DIAPH3: variants seen among roughly 807,000 people sequenced by gnomAD.
DIAPH3 encodes diaphanous related formin 3.
A neutral mutation model predicts 144.3 loss-of-function variants in DIAPH3; 117 were observed. The ratio of observed to expected loss-of-function variants is 0.81; its 90% CI spans 0.70 to 0.95. The LOEUF is 0.95. DIAPH3 is among the 40% of genes least tolerant of loss of function. The pLI is 0.00. For missense variants in DIAPH3, 1,421 were observed against 1,412.7 expected, an observed-to-expected ratio of 1.01 and a Z score of -0.09; for synonymous variants, 519 against 488.9, an observed-to-expected ratio of 1.06 and a Z score of -0.81.
chr13:60,160,752 C>A (rs1009687762), intron 1 of DIAPH3, among the ~76,000 whole-genome samples: 1 of 152,166 alleles, frequency 6.6e-6, no homozygotes, highest in African/African-American at 2.4e-5. Context: ...TCAATGCTCA[C>A]GGCTTAAGAT....
rs1357677794 is a variant in DIAPH3, at chr13:60,132,939, A to G, written c.213+18T>C. ...TAGTTACAATTCATAACAAAGGAAA[A>G]GTTGAGGATAATCTTACCATATCAT... On this transcript the variant is annotated intron_variant, in intron 2 of 27. Transcript: ENST00000400324. The G allele has an allele frequency of 6.2e-7, 1 of 1,602,034 alleles. No homozygotes were observed. Among genetic ancestry groups the G allele is most frequent in the African/African-American group, 1.3e-5 (1 of 74,790 alleles).
intron 20 of DIAPH3, among the ~76,000 whole-genome samples, chr13:59,903,565 C>G (rs1285064262): frequency 6.6e-6 from 1 of 150,862 alleles, no homozygotes; most frequent in Non-Finnish European, 1.5e-5. Flanking sequence ...CTAGACAAAC[C>G]TAGAAGTTAA....
At chr13:60,005,934 C>T (rs376627730) in intron 9 of DIAPH3, among the ~76,000 whole-genome samples, 2 of 151,920 alleles carry the variant, frequency 1.3e-5, no homozygotes. Flanking sequence ...AGAATAGTAA[C>T]CTATAAAATC....
At chr13:59,811,554 T>C (rs1011919269) in intron 24 of DIAPH3, among the ~76,000 whole-genome samples, 1 of 151,792 alleles carries the variant, frequency 6.6e-6, no homozygotes, top group East Asian at 1.9e-4. Context: ...CTGGCTAACG[T>C]GGTGCAACTC....
chr13:59,995,617 G>A (rs2052140160), intron 9 of DIAPH3, among the ~76,000 whole-genome samples: 1 of 151,870 alleles, frequency 6.6e-6, no homozygotes, highest in Non-Finnish European at 1.5e-5. Flanking sequence ...GAGAGAAAGA[G>A]GAGTCAAGAC....
In DIAPH3 at chr13:59,879,292, G is replaced by A; in HGVS notation, c.2544C>T (p.Asn848=). Residue 848 remains asparagine (N), a synonymous_variant, in exon 21 of 28, where the codon AAC becomes AAT. Transcript: ENST00000400324. ...KLLELVLLMG[N]YMNAGSRNAQ... ...CATTCCGGGAGCCAGCATTCATGTA[G>A]TTTCCCATTAGCAATACAAGTTCCA... 2 of 1,613,856 alleles carry A rather than the reference G, an allele frequency of 1.2e-6. No individual in the cohort carries two copies. The highest frequency in any genetic ancestry group is 1.7e-6 in the Non-Finnish European group (2 of 1,179,854).
chr13:59,707,166 G>C (rs2034477354), intron 27 of DIAPH3, among the ~76,000 whole-genome samples: 1 of 152,166 alleles, frequency 6.6e-6, no homozygotes, highest in South Asian at 2.1e-4. Flanking sequence ...TTTCTACTAA[G>C]CTCCAAGTTT....
chr13:60,141,236 T>G (rs1342105403), intron 1 of DIAPH3, among the ~76,000 whole-genome samples: 1 of 152,178 alleles, frequency 6.6e-6, no homozygotes, highest in African/African-American at 2.4e-5. Flanking sequence ...GATAATTCCT[T>G]AATGTAAATA....
At chr13:60,093,842 T>G (rs1210876017) in intron 3 of DIAPH3, 110 bp from the exon 4 acceptor site, 21 of 760,542 alleles carry the variant, frequency 2.8e-5, no homozygotes, top group Non-Finnish European at 4.6e-5. Flanking sequence ...GCATTAATTG[T>G]TTTGGAATGA....
intron 7 of DIAPH3, chr13:60,012,657 AACACCT>A (rs2053354990): frequency 2.0e-5 from 3 of 152,502 alleles, no homozygotes; most frequent in African/African-American, 7.2e-5. Flanking sequence ...GTCCTTAGCT[AACACCT>A]GCCCTTCTAG....
At chr13:60,138,114 T>A (rs1374530646) in intron 1 of DIAPH3, among the ~76,000 whole-genome samples, 1 of 152,216 alleles carries the variant, frequency 6.6e-6, no homozygotes, top group Non-Finnish European at 1.5e-5. Context: ...TTTCATAAGC[T>A]AGATCCTCCG....
rs191864762 is a variant in DIAPH3, at chr13:59,883,704, G to C, written c.2368-4236C>G. The stretch of plus-strand genomic sequence containing the variant: ...AGAGCTAACTTGCTGCTAATCAACT[G>C]TCCTTACCACTCAGAGCATCGCAAT... On this transcript the variant is annotated intron_variant, in intron 20 of 27. Coordinates refer to ENST00000400324, the MANE Select transcript of DIAPH3 (RefSeq NM_001042517.2). 1.6e-3 allele frequency among the ~76,000 whole-genome samples: 248 copies of C among 152,154 alleles called. 1 individual carries two copies. Among genetic ancestry groups the C allele is most frequent in the Non-Finnish European group, 1.3e-3 (86 of 68,002 alleles).
intron 1 of DIAPH3, among the ~76,000 whole-genome samples, chr13:60,137,202 G>GA (rs1432441494): frequency 2.0e-5 from 3 of 152,070 alleles, no homozygotes; most frequent in African/African-American, 4.8e-5. Context: ...AATTGAAAGA[G>GA]AAAAAAAGCC....
intron 22 of DIAPH3, among the ~76,000 whole-genome samples, chr13:59,844,650 A>G (rs997385457): frequency 3.9e-5 from 6 of 152,306 alleles, no homozygotes; most frequent in African/African-American, 1.4e-4. Context: ...TCACCAAGAA[A>G]TTAATCATAT....
At chr13:59,889,558 G>T (rs934816585) in intron 20 of DIAPH3, among the ~76,000 whole-genome samples, 1 of 151,764 alleles carries the variant, frequency 6.6e-6, no homozygotes, top group Non-Finnish European at 1.5e-5. Context: ...CATATTTGTA[G>T]TATCCTTATT....
At chr13:59,889,386 C>A (rs1216040349) in intron 20 of DIAPH3, among the ~76,000 whole-genome samples, 7 of 152,052 alleles carry the variant, frequency 4.6e-5, no homozygotes, top group Admixed American at 4.6e-4. Flanking sequence ...CTCCAATATA[C>A]TATTAAACCC....
chr13:59,721,312 G>A (rs572337685), intron 27 of DIAPH3, among the ~76,000 whole-genome samples: 1 of 152,204 alleles, frequency 6.6e-6, no homozygotes, highest in South Asian at 2.1e-4. Context: ...GATTGATAGG[G>A]ATATGTAACT....
intron 4 of DIAPH3, chr13:60,044,273 T>C (rs181162908): frequency 2.0e-4 from 30 of 152,322 alleles, no homozygotes; most frequent in Admixed American, 1.7e-3. Context: ...ATTCGGTGTT[T>C]TTCATGTTTT....
At position 59,665,687 on chromosome 13, in the gene DIAPH3, T is replaced by C. The variant is rs191144007; in HGVS notation, c.*897A>G. ...ATATTACATTTGCTTAGGAAAACTT[T>C]CCTTGAAACACTTATTTAGATCTTT... is the stretch of plus-strand genomic sequence containing the variant. On this transcript the variant is annotated 3_prime_UTR_variant, in exon 28 of 28. Transcript: ENST00000400324. 2 of 152,686 alleles carry C rather than the reference T, an allele frequency of 1.3e-5. No homozygotes were observed. The highest frequency in any genetic ancestry group is 2.4e-5 in the African/African-American group (1 of 41,478). 9.5% of individuals were successfully genotyped at this position (152,686 alleles called of 1,614,324 possible).
Sources: gnomAD v4.1 joint callset for allele counts (sites outside exome capture counted in the v4.1 genomes callset) on GRCh38, gnomAD v4.1.1 for gene constraint, MANE v1.5 for transcripts, NCBI Gene and HGNC (gene_info 2026-07-23, HGNC 2026-07-21) for gene names.